The following SWT1 variants were observed in gnomAD, a reference collection of about 807,000 sequenced individuals.
The protein encoded by SWT1 is transcriptional protein SWT1.
In SWT1, 33 loss-of-function variants were observed where a neutral mutation model predicts 107.3. The observed-to-expected ratio is 0.31, with a 90% CI of 0.23 to 0.41. The LOEUF (loss-of-function observed/expected upper bound fraction) is 0.41. Among genes scored for constraint, SWT1 ranks in the 10% least tolerant of loss-of-function variants. The probability of loss-of-function intolerance (pLI) is 1.00; values close to 1 mark genes in which losing one functional copy is unlikely to be tolerated. For missense variants in SWT1, 898 were observed against 1,028.9 expected (o/e 0.87, Z 1.74); for synonymous variants, 345 against 348.3 (o/e 0.99, Z 0.11).
At chr1:185,278,365 C>A (rs897557031) in intron 18 of SWT1, among the ~76,000 whole-genome samples, 2 of 152,126 alleles carry the variant, frequency 1.3e-5, no homozygotes, top group Admixed American at 6.5e-5. Flanking sequence ...GGAAGAGGAC[C>A]CTCACCAGAC....
chr1:185,290,658 T>G lies in SWT1; in HGVS notation c.2574-16T>G. ...CTAGCTGTCTTGCAATGATTTAATATTTCTTTTTCTCCTAGGGAAAAGTTA... is the reference window on the plus strand; with the variant it reads ...CTAGCTGTCTTGCAATGATTTAATAGTTCTTTTTCTCCTAGGGAAAAGTTA... On this transcript the variant is annotated splice_polypyrimidine_tract_variant and intron_variant, in intron 18 of 18. Coordinates refer to ENST00000367500, the MANE Select transcript of SWT1 (RefSeq NM_017673.7). 6.4e-7 allele frequency: 1 copy of G among 1,557,528 alleles called. No homozygotes were observed.
chr1:185,158,428 T>A (rs1333973676), intron 1 of SWT1, among the ~76,000 whole-genome samples: 1 of 151,968 alleles, frequency 6.6e-6, no homozygotes, highest in East Asian at 1.9e-4. Context: ...AACAGTCAAT[T>A]AAAAATGGGA....
intron 18 of SWT1, among the ~76,000 whole-genome samples, chr1:185,278,971 A>G (rs1012263853): frequency 6.6e-6 from 1 of 152,228 alleles, no homozygotes; most frequent in African/African-American, 2.4e-5. Context: ...TATCAGATGT[A>G]GGATTGATAG....
chr1:185,283,426 A>G (rs74936657), intron 18 of SWT1, among the ~76,000 whole-genome samples: 20,871 of 152,244 alleles, frequency 0.14, 1,919 homozygotes, highest in Non-Finnish European at 0.21. Context: ...TACCAAACAA[A>G]TATCTTGTGC....
chr1:185,166,732 T>C, intron 3 of SWT1, 80 bp downstream of exon 3: 1 of 906,674 alleles, frequency 1.1e-6, no homozygotes, highest in Non-Finnish European at 1.7e-6. Flanking sequence ...AAATTCCTCC[T>C]ATACTTTTTG....
At chr1:185,248,059 A>T (rs1037647037) in intron 16 of SWT1, among the ~76,000 whole-genome samples, 10 of 152,156 alleles carry the variant, frequency 6.6e-5, no homozygotes, top group Non-Finnish European at 1.5e-4. Flanking sequence ...ACAGTACATG[A>T]TTACTATGGT....
intron 15 of SWT1, among the ~76,000 whole-genome samples, chr1:185,228,184 TATATAC>T (rs202065685): frequency 0.018 from 2,559 of 141,414 alleles, 89 homozygotes; most frequent in African/African-American, 0.066. Context: ...TATATATATA[TATATAC>T]ATATATATAT....
At chr1:185,247,010 G>C (rs960985874) in intron 16 of SWT1, among the ~76,000 whole-genome samples, 1 of 152,114 alleles carries the variant, frequency 6.6e-6, no homozygotes, top group African/African-American at 2.4e-5. Context: ...ACTAGAAATA[G>C]TGGCATCAGC....
chr1:185,229,206 A>C (rs1660318620), intron 15 of SWT1, among the ~76,000 whole-genome samples: 2 of 152,150 alleles, frequency 1.3e-5, no homozygotes, highest in Non-Finnish European at 1.5e-5. Context: ...CCAGGTGGAA[A>C]ATGATGATGA....
chr1:185,184,107 A>T lies in SWT1; in HGVS notation c.1139-136A>T, dbSNP rs1391393424. 4 of 549,314 alleles carry T rather than the reference A, an allele frequency of 7.3e-6. No homozygotes were observed. The East Asian group carries it at 1.3e-4, about 18-fold the overall frequency. The allele number at this position is 549,314 out of a possible 1,614,324, so 34.0% of individuals were successfully genotyped here. A position where few individuals can be genotyped will look rare whatever the true frequency, so the allele number is the denominator to read the frequency against. On this transcript the variant is annotated intron_variant, in intron 7 of 18. Transcript: ENST00000367500. ...GCTTGAGAGTCTAGCCAACTGTGTA[A>T]ATCTCTGATACAGTTAACAAGACAA...
chr1:185,230,118 G>C, intron 15 of SWT1, among the ~76,000 whole-genome samples: 1 of 152,142 alleles, frequency 6.6e-6, no homozygotes, highest in Non-Finnish European at 1.5e-5. Context: ...AGTTATAAAA[G>C]GAATACTTTG....
chr1:185,231,887 T>C (rs1282014436), intron 16 of SWT1, among the ~76,000 whole-genome samples, 179 bp downstream of exon 16: 2 of 152,200 alleles, frequency 1.3e-5, no homozygotes, highest in Non-Finnish European at 2.9e-5. Flanking sequence ...CTTTGCAGTT[T>C]TATCGTTATG....
chr1:185,270,988 A>C (rs1663815473), intron 16 of SWT1, among the ~76,000 whole-genome samples: 1 of 152,226 alleles, frequency 6.6e-6, no homozygotes, highest in Non-Finnish European at 1.5e-5. Flanking sequence ...GTATAAATGC[A>C]CTTCACATTT....
At position 185,258,394 on chromosome 1, in the gene SWT1, A is replaced by G. The variant is rs184487809; in HGVS notation, c.2442-12929A>G. Among the ~76,000 whole-genome samples the G allele has an allele frequency of 3.0e-4, 45 of 152,190 alleles. 1 individual carries two copies. In the East Asian group the frequency reaches 8.7e-3, roughly 29 times the overall value. On this transcript the variant is annotated intron_variant, in intron 16 of 18. Coordinates refer to ENST00000367500, the MANE Select transcript of SWT1 (RefSeq NM_017673.7). ...AGTTTTTGTTGTGTTTAGCTTTATC[A>G]TGCTTATTTATCATGCTTTATTAGT...
chr1:185,260,594 G>A (rs1277439524), intron 16 of SWT1, among the ~76,000 whole-genome samples: 1 of 152,120 alleles, frequency 6.6e-6, no homozygotes, highest in Non-Finnish European at 1.5e-5. Flanking sequence ...GCAGTTTCAT[G>A]AGAATGTTGG....
chr1:185,201,872 G>A (rs1461391025), intron 10 of SWT1, among the ~76,000 whole-genome samples: 2 of 152,084 alleles, frequency 1.3e-5, no homozygotes, highest in Non-Finnish European at 2.9e-5. Flanking sequence ...CATTTTCTGT[G>A]TCTTCAGGGT....
rs1360285140 is a variant in SWT1 at position 185,291,393 on chromosome 1, T to A, written c.*590T>A. 1 of 152,620 alleles carries A rather than the reference T, an allele frequency of 6.6e-6. No individual in the cohort carries two copies. The highest frequency in any genetic ancestry group is 1.5e-5 in the Non-Finnish European group (1 of 68,024). 9.5% of individuals were successfully genotyped at this position (152,620 alleles called of 1,614,324 possible). ...CTTCCTTATACAGCCTTTCCTTCTG[T>A]GGGCTTGTCACTTTTCAGTACATTT... On this transcript the variant is annotated 3_prime_UTR_variant, in exon 19 of 19. Transcript: ENST00000367500.
In SWT1 at chr1:185,252,861, C is replaced by T. The variant is rs748983103; in HGVS notation, c.2442-18462C>T. On this transcript the variant is annotated intron_variant, in intron 16 of 18. Coordinates refer to ENST00000367500, the MANE Select transcript of SWT1 (RefSeq NM_017673.7). Reference sequence around the variant, plus strand: ...TTTAGACATGAAGTCCTTGCCCATGCCTATGTCCTGAATGGTAATGCCTAG... The same window carrying T: ...TTTAGACATGAAGTCCTTGCCCATGTCTATGTCCTGAATGGTAATGCCTAG... Among the ~76,000 whole-genome samples the T allele has an allele frequency of 4.8e-3, 709 of 148,884 alleles. 6 individuals carry two copies. Among genetic ancestry groups the T allele is most frequent in the Non-Finnish European group, 7.5e-3 (497 of 66,574 alleles).
At chr1:185,188,647 A>G (rs1188273479) in intron 9 of SWT1, among the ~76,000 whole-genome samples, 1 of 152,238 alleles carries the variant, frequency 6.6e-6, no homozygotes, top group Non-Finnish European at 1.5e-5. Flanking sequence ...ATAAGTATTT[A>G]TTGCATGAAC....
Sources: allele counts gnomAD v4.1 joint callset (sites outside exome capture counted in the v4.1 genomes callset), GRCh38; gene constraint gnomAD v4.1.1; transcripts MANE v1.5; gene names NCBI Gene and HGNC (gene_info 2026-07-23, HGNC 2026-07-21).